HECTD3: variants seen among roughly 807,000 people sequenced by gnomAD.
HECTD3 encodes the protein E3 ubiquitin-protein ligase HECTD3.
HECTD3 carries 72 observed loss-of-function variants against 109.3 expected under a neutral mutation model. The observed-to-expected ratio is 0.66, with a 90% confidence interval of 0.54 to 0.80. HECTD3 has a LOEUF of 0.80. Ranked by LOEUF, HECTD3 falls within the 30% of genes least tolerant of loss-of-function variation. The probability of loss-of-function intolerance (pLI) is 0.00; values close to 1 mark genes in which losing one functional copy is unlikely to be tolerated. For synonymous variants in HECTD3, 481 were observed against 471.8 expected, an observed-to-expected ratio of 1.02 and a Z score of -0.25; for missense variants, 1,041 against 1,165.2, an observed-to-expected ratio of 0.89 and a Z score of 1.55.
In HECTD3 at chr1:45,003,574, G is replaced by A; in HGVS notation, c.2504C>T (p.Ala835Val). 2 of 1,614,194 alleles carry A rather than the reference G, an allele frequency of 1.2e-6. No homozygotes were observed. Among genetic ancestry groups the A allele is most frequent in the Non-Finnish European group, 8.5e-7 (1 of 1,180,024 alleles). Residue 835 changes from alanine (A) to valine (V), a missense_variant and splice_region_variant, in exon 21 of 21, where the codon GCC becomes GTC. Around this residue, in one of 2 missense-constraint regions of HECTD3, gnomAD observed 569 missense variants for 715.3 expected, o/e 0.80. Coordinates refer to ENST00000372172, the MANE Select transcript of HECTD3 (RefSeq NM_024602.6). This position sits in a 1 kb window ranked among gnomAD's most constrained non-coding sequence, Gnocchi z 4.7. ...GCGGAGCTTCTCCTCGCATACCTTG[G>A]CACTGTGGGAATGGGGACTTGGTCA... ...STLFLPHYAS[A>V]KVCEEKLRYA...
intron 15 of HECTD3, 112 bp from the exon 16 acceptor site, chr1:45,004,918 G>A: frequency 1.1e-6 from 1 of 887,840 alleles, no homozygotes; most frequent in South Asian, 1.4e-5. Context: ...CAGTCCCCAT[G>A]GAGGCAGCAG....
In HECTD3 at chr1:45,005,217, C is replaced by T. The variant is rs544886875; in HGVS notation, c.1936-411G>A. On this transcript the variant is annotated intron_variant, in intron 15 of 20. Coordinates refer to ENST00000372172, the MANE Select transcript of HECTD3 (RefSeq NM_024602.6). ...ATTCTATCCTAAGCCCAGGGCCGAG[C>T]CATCAATGAGTTTAAATAAGGAGAG... 2.9e-4 allele frequency: 79 copies of T among 276,452 alleles called. 3 individuals carry two copies. In the South Asian group the frequency reaches 3.5e-3, roughly 12 times the overall value. The allele number at this position is 276,452 out of a possible 1,614,324, so 17.1% of individuals were successfully genotyped here. A position where few individuals can be genotyped will look rare whatever the true frequency, so the allele number is the denominator to read the frequency against.
At chr1:45,007,958 C>T (rs1431254732) in intron 9 of HECTD3, among the ~76,000 whole-genome samples, 1 of 152,188 alleles carries the variant, frequency 6.6e-6, no homozygotes, top group African/African-American at 2.4e-5. Flanking sequence ...CTCAAGACAT[C>T]TTGAGCTGCT....
rs1200633537 is a variant in HECTD3 at position 45,002,645 on chromosome 1, G to T, written c.*847C>A. The T allele has an allele frequency of 1.3e-5, 2 of 152,304 alleles. No homozygotes were observed. Among genetic ancestry groups the T allele is most frequent in the Admixed American group, 1.3e-4 (2 of 15,274 alleles). 9.4% of individuals were successfully genotyped at this position (152,304 alleles called of 1,614,324 possible). The stretch of plus-strand genomic sequence containing the variant: ...GGAGGAACGGTAAACTGGGGCAGGG[G>T]TGTGCATAGCTCTAGGAACAGGTTT... On this transcript the variant is annotated 3_prime_UTR_variant, in exon 21 of 21. Transcript: ENST00000372172.
Position 45,002,966 on chromosome 1 carries a change from G to C in HECTD3, c.*526C>G, listed in dbSNP as rs1200850985. On this transcript the variant is annotated 3_prime_UTR_variant, in exon 21 of 21. Transcript: ENST00000372172. ...GAGAGGGGAAAAGAGCAGAATGTGA[G>C]GGCAGGTGCTCAGCTACTGCTTCCT... The C allele has an allele frequency of 6.1e-6, 1 of 163,784 alleles. No individual in the cohort carries two copies. Among genetic ancestry groups the C allele is most frequent in the Non-Finnish European group, 1.4e-5 (1 of 73,766 alleles). The allele number at this position is 163,784 out of a possible 1,614,324, so 10.1% of individuals were successfully genotyped here.
intron 2 of HECTD3, 78 bp from the exon 3 acceptor site, chr1:45,010,371 C>T: frequency 1.3e-6 from 2 of 1,485,132 alleles, no homozygotes; most frequent in African/African-American, 1.4e-5. Flanking sequence ...GTGTAGCCTT[C>T]TTCAGGGCTC....
rs542274257 is a variant in HECTD3, at chr1:45,004,173, T to C, written c.2273-39A>G. 1.2e-5 allele frequency: 19 copies of C among 1,614,144 alleles called. No homozygotes were observed. The South Asian group carries it at 2.1e-4, about 18-fold the overall frequency. On this transcript the variant is annotated intron_variant, in intron 17 of 20. Coordinates refer to ENST00000372172, the MANE Select transcript of HECTD3 (RefSeq NM_024602.6). Reference sequence around the variant, plus strand: ...GGCCAGCATTCATTCTTGGGTCTCATCTTGCCCAGTCCTTGAGCCCCAACC... The same window carrying C: ...GGCCAGCATTCATTCTTGGGTCTCACCTTGCCCAGTCCTTGAGCCCCAACC...
At chr1:45,010,472 C>G in intron 2 of HECTD3, 74 bp downstream of exon 2, 1 of 1,583,888 alleles carries the variant, frequency 6.3e-7, no homozygotes. Flanking sequence ...CCACCCCAGG[C>G]TGTGGCTGAA....
intron 3 of HECTD3, 31 bp downstream of exon 3, chr1:45,010,170 C>A: frequency 1.9e-6 from 3 of 1,613,922 alleles, no homozygotes. Context: ...CGCAGAGCTC[C>A]TTCCTCCCCA....
chr1:45,008,116 C>T (rs1557728999), intron 9 of HECTD3, 124 bp downstream of exon 9: 2 of 718,676 alleles, frequency 2.8e-6, no homozygotes, highest in Non-Finnish European at 2.3e-6. Flanking sequence ...GGCTTTCTTC[C>T]TATGTTCCCA....
Position 45,003,498 on chromosome 1 carries a change from C to T in HECTD3, c.2580G>A (p.Glu860=), listed in dbSNP as rs1368972719. 2.5e-6 allele frequency: 4 copies of T among 1,614,136 alleles called. No individual in the cohort carries two copies. The highest frequency in any genetic ancestry group is 3.4e-6 in the Non-Finnish European group (4 of 1,179,954). ...VAIDTDMSPW[E]E ...CCACAGCCGGCGGCACGCCTCACTC[C>T]TCCCAAGGGCTCATGTCAGTGTCGA... Residue 860 remains glutamate (E), a synonymous_variant, in exon 21 of 21, where the codon GAG becomes GAA. Coordinates refer to ENST00000372172, the MANE Select transcript of HECTD3 (RefSeq NM_024602.6). This position sits in a 1 kb window ranked among gnomAD's most constrained non-coding sequence, Gnocchi z 4.7.
chr1:45,006,848 G>T lies in HECTD3; in HGVS notation c.1622-53C>A. ...CACTCAAGAGCCCAGCTCCCATAAT[G>T]GGGTAATGAATAGGTCCCCCATCAT... On this transcript the variant is annotated intron_variant, in intron 12 of 20. Coordinates refer to ENST00000372172, the MANE Select transcript of HECTD3 (RefSeq NM_024602.6). This position sits in a 1 kb window ranked among gnomAD's most constrained non-coding sequence, Gnocchi z 4.7. 1 of 1,591,932 alleles carries T rather than the reference G, an allele frequency of 6.3e-7. No homozygotes were observed.
intron 10 of HECTD3, 65 bp downstream of exon 10, chr1:45,007,348 C>T: frequency 6.2e-7 from 1 of 1,605,440 alleles, no homozygotes; most frequent in Non-Finnish European, 8.5e-7. Flanking sequence ...GTTCAGGTCC[C>T]TCTTGGCCTA....
In HECTD3 at chr1:45,007,522, C is replaced by T. The variant is rs1569941234; in HGVS notation, c.1394G>A (p.Ser465Asn). 6.2e-7 allele frequency: 1 copy of T among 1,614,062 alleles called. No homozygotes were observed. The highest frequency in any genetic ancestry group is 8.5e-7 in the Non-Finnish European group (1 of 1,180,026). Residue 465 changes from serine (S) to asparagine (N), a missense_variant, in exon 10 of 21, where the codon AGC becomes AAC. Ser to Asn is a conservative substitution (Grantham distance 46). Around this residue, in one of 2 missense-constraint regions of HECTD3, gnomAD observed 569 missense variants for 715.3 expected, o/e 0.80. Coordinates refer to ENST00000372172, the MANE Select transcript of HECTD3 (RefSeq NM_024602.6). ...GCGTGGCATGAAGCTGGGCTTGCTG[C>T]TCTCAGAGTCACGCAGGCACTGAGC... is the stretch of plus-strand genomic sequence containing the variant. Reference protein sequence around the residue: ...LVAQCLRDSESSKPSFMPRLY... With the variant: ...LVAQCLRDSENSKPSFMPRLY...
At chr1:45,007,108 G>A (rs76154101) in intron 11 of HECTD3, 93 bp from the exon 12 acceptor site, 1 of 1,554,318 alleles carries the variant, frequency 6.4e-7, no homozygotes, top group Non-Finnish European at 8.9e-7. Context: ...CAGTCATGGC[G>A]AGGGGTGCCT....
chr1:45,004,558 G>C (rs767491813), intron 16 of HECTD3, 42 bp downstream of exon 16: 2 of 1,608,756 alleles, frequency 1.2e-6, no homozygotes, highest in Admixed American at 3.3e-5. Context: ...TGGGGCTCAG[G>C]AGGGGCCAAA....
intron 9 of HECTD3, 30 bp from the exon 10 acceptor site, chr1:45,007,625 T>C (rs1391137337): frequency 3.8e-6 from 6 of 1,588,576 alleles, no homozygotes; most frequent in Non-Finnish European, 4.3e-6. Flanking sequence ...AGAGCAGGAA[T>C]GAGTGGGCAG....
Position 45,002,559 on chromosome 1 carries a change from A to G in HECTD3, c.*933T>C, listed in dbSNP as rs1644699342. On this transcript the variant is annotated 3_prime_UTR_variant, in exon 21 of 21. Coordinates refer to ENST00000372172, the MANE Select transcript of HECTD3 (RefSeq NM_024602.6). Reference sequence around the variant, plus strand: ...ACATTCTGAAGGAATGAATTCATCCATTTATTCAACTTTCCGGTATGCAAG... The same window carrying G: ...ACATTCTGAAGGAATGAATTCATCCGTTTATTCAACTTTCCGGTATGCAAG... 1.3e-5 allele frequency: 2 copies of G among 152,176 alleles called. No individual in the cohort carries two copies. Among genetic ancestry groups the G allele is most frequent in the Non-Finnish European group, 1.5e-5 (1 of 68,044 alleles). The allele number at this position is 152,176 out of a possible 1,614,324, so 9.4% of individuals were successfully genotyped here.
chr1:45,009,375 A>T lies in HECTD3; in HGVS notation c.983T>A (p.Ile328Asn). 1 of 1,611,574 alleles carries T rather than the reference A, an allele frequency of 6.2e-7. No homozygotes were observed. The highest frequency in any genetic ancestry group is 8.5e-7 in the Non-Finnish European group (1 of 1,177,810). Residue 328 changes from isoleucine to asparagine, a missense_variant, in exon 6 of 21, where the codon ATT becomes AAT. Physicochemically the swap from Ile to Asn is moderately radical, Grantham distance 149. Coordinates refer to ENST00000372172, the MANE Select transcript of HECTD3 (RefSeq NM_024602.6). The stretch of plus-strand genomic sequence containing the variant: ...CCCAGGCCAGCGTGCTCACTCGTCA[A>T]TGCTCACGTCACTCAGCTTCTTCAG... ...DNLKKLSDVS[I>N]DETLIGDVCV...
Sources: allele counts gnomAD v4.1 joint callset (sites outside exome capture counted in the v4.1 genomes callset), GRCh38; gene constraint gnomAD v4.1.1; regional missense constraint gnomAD v4.1.1; non-coding constraint Gnocchi (gnomAD v3.1); transcripts MANE v1.5; gene names NCBI Gene and HGNC (gene_info 2026-07-23, HGNC 2026-07-21).